The following DNAH10 variants were observed in gnomAD, a reference collection of about 807,000 sequenced individuals.
The protein encoded by DNAH10 is dynein axonemal heavy chain 10.
Under a neutral mutation model 506.6 loss-of-function variants are expected in DNAH10, and 348 were observed. That is an observed-to-expected ratio of 0.69 (90% CI 0.63 to 0.75). The LOEUF (loss-of-function observed/expected upper bound fraction) is 0.75, where lower values mean the gene tolerates loss of function less well. DNAH10 is among the 30% of genes least tolerant of loss of function. The pLI, the probability that DNAH10 is intolerant of heterozygous loss-of-function variation, is 0.00. For missense variants in DNAH10, 5,179 were observed against 5,787.1 expected, an observed-to-expected ratio of 0.89 and a Z score of 3.41; for synonymous variants, 2,059 against 2,198.6, an observed-to-expected ratio of 0.94 and a Z score of 1.78.
chr12:123,826,961 T>G, intron 25 of DNAH10, 63 bp downstream of exon 25: 2 of 1,457,412 alleles, frequency 1.4e-6, no homozygotes, highest in Non-Finnish European at 1.9e-6. Context: ...TAAAATTGTT[T>G]CCCTCAGTAC....
intron 51 of DNAH10, 24 bp from the exon 52 acceptor site, chr12:123,887,118 A>C: frequency 6.3e-7 from 1 of 1,584,430 alleles, no homozygotes; most frequent in Non-Finnish European, 8.6e-7. Flanking sequence ...GGTGACGCCC[A>C]TGTGCTCTGT....
chr12:123,853,872 G>A lies in DNAH10; in HGVS notation c.6438+520G>A, dbSNP rs987770137. On this transcript the variant is annotated intron_variant, in intron 36 of 78. Transcript: ENST00000673944. The surrounding 1 kb of genome is among the most constrained non-coding windows in gnomAD (Gnocchi z 4.7). ...GACACACGCACGCGCACACACACAC[G>A]GATACATGCACGCGCACACACGTAC... Among the ~76,000 whole-genome samples, 48 of 141,536 alleles carry A rather than the reference G, an allele frequency of 3.4e-4. 1 individual carries two copies. The highest frequency in any genetic ancestry group is 1.2e-4 in the Non-Finnish European group (8 of 64,886). The allele number at this position is 141,536 out of a possible 152,430, so 92.9% of individuals were successfully genotyped here. A position where few individuals can be genotyped will look rare whatever the true frequency, so the allele number is the denominator to read the frequency against.
intron 18 of DNAH10, among the ~76,000 whole-genome samples, chr12:123,807,735 G>A (rs1029360220): frequency 1.3e-5 from 2 of 149,146 alleles, no homozygotes; most frequent in Non-Finnish European, 3.0e-5. Context: ...GGAGAAAGAG[G>A]AGGAGAGGGA....
Position 123,771,772 on chromosome 12 carries a change from A to T in DNAH10, c.396+74A>T, listed in dbSNP as rs534149586. On this transcript the variant is annotated intron_variant, in intron 3 of 78. Coordinates refer to ENST00000673944, the MANE Select transcript of DNAH10 (RefSeq NM_001372106.1). ...TGCCCTCTAGGATTCAGGGTAACTG[A>T]CATAGCCCCATCCAAGGGATTTATC... is the stretch of plus-strand genomic sequence containing the variant. 8 of 1,210,660 alleles carry T rather than the reference A, an allele frequency of 6.6e-6. No homozygotes were observed. In the Admixed American group the frequency reaches 8.4e-5, roughly 13 times the overall value. The allele number at this position is 1,210,660 out of a possible 1,614,324, so 75.0% of individuals were successfully genotyped here. A position where few individuals can be genotyped will look rare whatever the true frequency, so the allele number is the denominator to read the frequency against.
In DNAH10 at chr12:123,925,136, G is replaced by A; in HGVS notation, c.11853G>A (p.Leu3951=). Residue 3951 remains leucine (L), a synonymous_variant, in exon 68 of 79, where the codon TTG becomes TTA. Transcript: ENST00000673944. The surrounding 1 kb of genome is among the most constrained non-coding windows in gnomAD (Gnocchi z 4.0). ...CCCCTTTCCAGAAGTTGCTTATTTT[G>A]CGCTGTTTCCGTGTGGATCGGGTCT... ...NITPFQKLLI[L]RCFRVDRVYR... is the part of the protein sequence containing the mutation. 6.2e-7 allele frequency: 1 copy of A among 1,613,994 alleles called. No individual in the cohort carries two copies. The highest frequency in any genetic ancestry group is 8.5e-7 in the Non-Finnish European group (1 of 1,179,892).
rs935688815 is a variant in DNAH10 at position 123,894,840 on chromosome 12, C to A, written c.9280+117C>A. 296 of 886,202 alleles carry A rather than the reference C, an allele frequency of 3.3e-4. 1 individual carries two copies. Among genetic ancestry groups the A allele is most frequent in the Non-Finnish European group, 3.9e-4 (225 of 573,972 alleles). The allele number at this position is 886,202 out of a possible 1,614,324, so 54.9% of individuals were successfully genotyped here. On this transcript the variant is annotated intron_variant, in intron 54 of 78. Coordinates refer to ENST00000673944, the MANE Select transcript of DNAH10 (RefSeq NM_001372106.1). ...TCTTCACTGGAAAACCCTATGGTAA[C>A]AAATGGCTTTCAATTTTGTTAGTAT...
In DNAH10 at chr12:123,917,974, G is replaced by A. The variant is rs762185121; in HGVS notation, c.11232+161G>A. On this transcript the variant is annotated intron_variant, in intron 64 of 78. Coordinates refer to ENST00000673944, the MANE Select transcript of DNAH10 (RefSeq NM_001372106.1). This position sits in a 1 kb window ranked among gnomAD's most constrained non-coding sequence, Gnocchi z 5.6. ...TGCTGTGGGGAGGGGAGCCCTAAAG[G>A]TGTTCCCAGGGACCCTTGGGCATCA... Among the ~76,000 whole-genome samples the A allele has an allele frequency of 9.2e-5, 14 of 152,206 alleles. No individual in the cohort carries two copies. Among genetic ancestry groups the A allele is most frequent in the Non-Finnish European group, 1.9e-4 (13 of 68,030 alleles).
At position 123,784,134 on chromosome 12, in the gene DNAH10, C is replaced by A. The variant is rs1957765351; in HGVS notation, c.1187C>A (p.Ser396Ter). 1 of 1,614,228 alleles carries A rather than the reference C, an allele frequency of 6.2e-7. No homozygotes were observed. Among genetic ancestry groups the A allele is most frequent in the Non-Finnish European group, 8.5e-7 (1 of 1,180,038 alleles). Reference sequence around the variant, plus strand: ...TTATTCAAGTTCCACACGGAGGCCTCAGACAATGTGCGCTTTCTCTCCACC... The same window carrying A: ...TTATTCAAGTTCCACACGGAGGCCTAAGACAATGTGCGCTTTCTCTCCACC... Reference protein sequence around the residue: ...TELFKFHTEASDNVRFLSTVE... With the variant: ...TELFKFHTEA The change falls in exon 8 of 79, where the codon TCA becomes TAA. Residue 396 changes from serine (S) to a stop codon, truncating the protein, a stop_gained. Coordinates refer to ENST00000673944, the MANE Select transcript of DNAH10 (RefSeq NM_001372106.1). LOFTEE classifies it high-confidence loss of function.
At chr12:123,861,449 C>G (rs777691331) in intron 39 of DNAH10, among the ~76,000 whole-genome samples, 2 of 152,248 alleles carry the variant, frequency 1.3e-5, no homozygotes, top group Non-Finnish European at 2.9e-5. Context: ...AAATGTGGCC[C>G]AAGGCCAGGG....
At chr12:123,884,029 A>C (rs1463573920) in intron 51 of DNAH10, among the ~76,000 whole-genome samples, 1 of 151,594 alleles carries the variant, frequency 6.6e-6, no homozygotes, top group Non-Finnish European at 1.5e-5. Flanking sequence ...GGCAAGCAAG[A>C]GGTGTTCTTT....
At position 123,787,569 on chromosome 12, in the gene DNAH10, C is replaced by G. The variant is rs140413050; in HGVS notation, c.1422-235C>G. Among the ~76,000 whole-genome samples, 2,057 of 152,328 alleles carry G rather than the reference C, an allele frequency of 0.014. 30 individuals carry two copies. Among genetic ancestry groups the G allele is most frequent in the Non-Finnish European group, 0.02 (1,352 of 68,012 alleles). ...TGTAGGGAGCGAGGTCACCAGGTAG[C>G]CCCAGCCCTGCACGCAGGTTGGCGG... On this transcript the variant is annotated intron_variant, in intron 9 of 78. Coordinates refer to ENST00000673944, the MANE Select transcript of DNAH10 (RefSeq NM_001372106.1). The surrounding 1 kb of genome is among the most constrained non-coding windows in gnomAD (Gnocchi z 4.6).
intron 18 of DNAH10, among the ~76,000 whole-genome samples, chr12:123,805,826 G>A (rs1012780149): frequency 2.0e-4 from 30 of 149,994 alleles, no homozygotes; most frequent in Non-Finnish European, 5.9e-5. Context: ...GCCCAGGTTG[G>A]AGTGCAGTGG....
chr12:123,813,390 T>C lies in DNAH10; in HGVS notation c.3371T>C (p.Ile1124Thr). 8 of 1,614,208 alleles carry C rather than the reference T, an allele frequency of 5.0e-6. No homozygotes were observed. The highest frequency in any genetic ancestry group is 1.1e-5 in the South Asian group (1 of 91,090). Residue 1124 changes from isoleucine (I) to threonine (T), a missense_variant, in exon 20 of 79, where the codon ATT becomes ACT. Coordinates refer to ENST00000673944, the MANE Select transcript of DNAH10 (RefSeq NM_001372106.1). The stretch of plus-strand genomic sequence containing the variant: ...CCTCTCTGGAAATTGGACAAAGCTA[T>C]TGTGATGGAGAAATTTGCTGCCAAG... The part of the protein sequence containing the change: ...YRPLWKLDKA[I>T]VMEKFAAKKP...
chr12:123,885,527 G>A (rs566349844), intron 51 of DNAH10, among the ~76,000 whole-genome samples: 52 of 152,216 alleles, frequency 3.4e-4, no homozygotes, highest in African/African-American at 1.2e-3. Flanking sequence ...GCAGGTTAAA[G>A]GGTATATGCT....
intron 5 of DNAH10, among the ~76,000 whole-genome samples, chr12:123,774,631 A>T (rs574481573): frequency 2.2e-4 from 33 of 152,370 alleles, no homozygotes; most frequent in African/African-American, 7.7e-4. Flanking sequence ...GCCGAATTAA[A>T]GAAATAGGTG....
chr12:123,813,865 A>G lies in DNAH10; in HGVS notation c.3733A>G (p.Arg1245Gly), dbSNP rs1565938229. The stretch of plus-strand genomic sequence containing the variant: ...ATCTCTAGTCATGGAACTCAGATAT[A>G]GGGACGTCCAGGAGCGATACCGTAC... ...SKSLVMELRY[R>G]DVQERYRTMA... Residue 1245 changes from arginine (R) to glycine (G), a missense_variant, in exon 21 of 79, where the codon AGG becomes GGG. Physicochemically the swap from Arg to Gly is moderately radical, Grantham distance 125. Coordinates refer to ENST00000673944, the MANE Select transcript of DNAH10 (RefSeq NM_001372106.1). The G allele has an allele frequency of 6.2e-7, 1 of 1,612,310 alleles. No individual in the cohort carries two copies. Among genetic ancestry groups the G allele is most frequent in the South Asian group, 1.1e-5 (1 of 90,562 alleles).
intron 1 of DNAH10, among the ~76,000 whole-genome samples, chr12:123,765,142 G>A (rs1392023143): frequency 6.6e-6 from 1 of 151,788 alleles, no homozygotes; most frequent in African/African-American, 2.4e-5. Context: ...AAAAATGATA[G>A]GAATGGAGAC....
Position 123,830,819 on chromosome 12 carries a change from A to T in DNAH10, c.4545+120A>T, listed in dbSNP as rs369965227. On this transcript the variant is annotated intron_variant, in intron 26 of 78. Transcript: ENST00000673944. ...AATTAGCTGAGCGTGGTGGTATGCC[A>T]TTACTCCCAGCTTCTTGGGAGGCTG... The T allele has an allele frequency of 3.1e-4, 331 of 1,059,488 alleles. 2 individuals carry two copies. The highest frequency in any genetic ancestry group is 1.6e-3 in the African/African-American group (100 of 61,242). The allele number at this position is 1,059,488 out of a possible 1,614,324, so 65.6% of individuals were successfully genotyped here.
At chr12:123,779,193 G>A (rs36085880) in intron 5 of DNAH10, among the ~76,000 whole-genome samples, 22,762 of 151,812 alleles carry the variant, frequency 0.15, 3,806 homozygotes, top group African/African-American at 0.42. Context: ...GTGAGCCACC[G>A]TGCCCGGCCT....
Sources: gnomAD v4.1 joint callset for allele counts (sites outside exome capture counted in the v4.1 genomes callset) on GRCh38, gnomAD v4.1.1 for gene constraint, Gnocchi (gnomAD v3.1) non-coding constraint, MANE v1.5 for transcripts, NCBI Gene and HGNC (gene_info 2026-07-23, HGNC 2026-07-21) for gene names.